Variants in MRPL48 observed in about 807,000 individuals in gnomAD.
MRPL48 encodes the protein mitochondrial ribosomal protein L48.
Under a neutral mutation model 32.9 loss-of-function variants are expected in MRPL48, and 16 were observed. The observed-to-expected ratio is 0.49, with a 90% CI of 0.33 to 0.74. The LOEUF is 0.74. Ranked by LOEUF, MRPL48 falls within the 30% of genes least tolerant of loss-of-function variation. MRPL48 has a pLI of 0.02. For missense variants in MRPL48, 206 were observed against 245.3 expected (o/e 0.84, Z 1.07); for synonymous variants, 94 against 89.2 (o/e 1.05, Z -0.31).
intron 5 of MRPL48, among the ~76,000 whole-genome samples, chr11:73,846,741 C>A (rs1456924449): frequency 6.6e-6 from 1 of 151,706 alleles, no homozygotes; most frequent in East Asian, 1.9e-4. Flanking sequence ...CTCTCTCTCC[C>A]ACCCAGGCTG....
At position 73,859,909 on chromosome 11, in the gene MRPL48, A is replaced by T; in HGVS notation, c.374A>T (p.Tyr125Phe). ...TAGCTGACTCTTCCTTCCCACAGTT[A>T]TGCAATGCCAACCAAAACCATAGAA... is the stretch of plus-strand genomic sequence containing the variant. ...NSLSIKVEESYAMPTKTIEVL... is the reference protein window; with the variant it reads ...NSLSIKVEESFAMPTKTIEVL... Residue 125 changes from tyrosine to phenylalanine, a missense_variant and splice_region_variant, in exon 6 of 8, where the codon TAT becomes TTT. Physicochemically the swap from Tyr to Phe is conservative, Grantham distance 22. Coordinates refer to ENST00000310614, the MANE Select transcript of MRPL48 (RefSeq NM_016055.6). 1 of 1,613,586 alleles carries T rather than the reference A, an allele frequency of 6.2e-7. No homozygotes were observed. The highest frequency in any genetic ancestry group is 1.1e-5 in the South Asian group (1 of 91,038).
intron 3 of MRPL48, 148 bp downstream of exon 3, chr11:73,808,498 C>A: frequency 1.3e-6 from 1 of 747,626 alleles, no homozygotes; most frequent in South Asian, 1.8e-5. Context: ...TGGAATAGAA[C>A]CATGGGTGAG....
intron 1 of MRPL48, among the ~76,000 whole-genome samples, chr11:73,796,608 A>G (rs980939102): frequency 6.6e-6 from 1 of 152,258 alleles, no homozygotes; most frequent in African/African-American, 2.4e-5. Context: ...AGAAGGGGGC[A>G]GGTTCCCATT....
Position 73,799,756 on chromosome 11 carries a change from G to A in MRPL48, c.22-5271G>A, listed in dbSNP as rs528803022. ...AGCAATGTATCCATTTAACAAAATG[G>A]CACTTGTACTCCCTAAATCTATATA... is the stretch of plus-strand genomic sequence containing the variant. On this transcript the variant is annotated intron_variant, in intron 1 of 7. Coordinates refer to ENST00000310614, the MANE Select transcript of MRPL48 (RefSeq NM_016055.6). Among the ~76,000 whole-genome samples, 10 of 152,192 alleles carry A rather than the reference G, an allele frequency of 6.6e-5. No homozygotes were observed. In the East Asian group the frequency reaches 1.7e-3, roughly 26 times the overall value.
At chr11:73,851,016 G>A (rs1413338990) in intron 5 of MRPL48, 3 of 461,472 alleles carry the variant, frequency 6.5e-6, no homozygotes, top group African/African-American at 6.1e-5. Flanking sequence ...CTACTGGCAA[G>A]AGCTGCCATC....
chr11:73,864,369 A>G lies in MRPL48; in HGVS notation c.638A>G (p.Ter213TrpextTer3), dbSNP rs779737423. 5 of 1,613,764 alleles carry G rather than the reference A, an allele frequency of 3.1e-6. No individual in the cohort carries two copies. In the Admixed American group the frequency reaches 5.0e-5, roughly 16 times the overall value. ...ELEELLAKLK* is the reference protein window; with the variant it reads ...ELEELLAKLKW Reference sequence around the variant, plus strand: ...GAAGAACTGTTGGCCAAGTTGAAGTAGCTACTGTAGACCCTTTCATGCCAG... The same window carrying G: ...GAAGAACTGTTGGCCAAGTTGAAGTGGCTACTGTAGACCCTTTCATGCCAG... The change falls in exon 8 of 8, where the codon TAG (stop) becomes TGG (tryptophan). Residue 213 changes from the stop codon to tryptophan, a stop_lost. Transcript: ENST00000310614.
chr11:73,823,662 T>TTG (rs1947826600), intron 3 of MRPL48, among the ~76,000 whole-genome samples: 2 of 149,476 alleles, frequency 1.3e-5, no homozygotes, highest in Admixed American at 1.3e-4. Context: ...CTGTTTTTTT[T>TTG]TTTTTTTTTT....
chr11:73,830,122 G>A (rs1947967491), intron 4 of MRPL48, among the ~76,000 whole-genome samples: 1 of 152,208 alleles, frequency 6.6e-6, no homozygotes, highest in Non-Finnish European at 1.5e-5. Flanking sequence ...AAGGGTAGAA[G>A]TCTCAGTTTT....
At chr11:73,831,822 C>T (rs1565100043) in intron 4 of MRPL48, among the ~76,000 whole-genome samples, 1 of 151,550 alleles carries the variant, frequency 6.6e-6, no homozygotes, top group Non-Finnish European at 1.5e-5. Flanking sequence ...TGCCTGTAAT[C>T]CCAGCTACTT....
intron 3 of MRPL48, among the ~76,000 whole-genome samples, chr11:73,815,377 G>T (rs184703109): frequency 2.6e-5 from 4 of 151,958 alleles, no homozygotes; most frequent in African/African-American, 9.7e-5. Flanking sequence ...CCACGCCATC[G>T]CACTCTAGCC....
intron 6 of MRPL48, among the ~76,000 whole-genome samples, chr11:73,860,908 A>G (rs1219989173): frequency 1.3e-5 from 2 of 152,096 alleles, no homozygotes; most frequent in Non-Finnish European, 2.9e-5. Context: ...CCACTAATCT[A>G]CTTTCTATCT....
In MRPL48 at chr11:73,845,572, A is replaced by G. The variant is rs575953116; in HGVS notation, c.371+596A>G. Among the ~76,000 whole-genome samples, 25 of 152,248 alleles carry G rather than the reference A, an allele frequency of 1.6e-4. No individual in the cohort carries two copies. In the South Asian group the frequency reaches 4.8e-3, roughly 29 times the overall value. On this transcript the variant is annotated intron_variant, in intron 5 of 7. Coordinates refer to ENST00000310614, the MANE Select transcript of MRPL48 (RefSeq NM_016055.6). Reference sequence around the variant, plus strand: ...AGGATCACTTGATCCCAGGAGTTTGAGACCTGCCTGGGCAACATAGCGAGA... The same window carrying G: ...AGGATCACTTGATCCCAGGAGTTTGGGACCTGCCTGGGCAACATAGCGAGA...
chr11:73,813,513 A>T (rs1947606266), intron 3 of MRPL48, among the ~76,000 whole-genome samples: 1 of 151,600 alleles, frequency 6.6e-6, no homozygotes, highest in Non-Finnish European at 1.5e-5. Context: ...TGGATTGTTT[A>T]CTTTTTCATT....
intron 5 of MRPL48, among the ~76,000 whole-genome samples, chr11:73,856,289 A>G (rs1421688936): frequency 6.8e-6 from 1 of 147,200 alleles, no homozygotes; most frequent in Non-Finnish European, 1.5e-5. Flanking sequence ...CCTTTCAGAG[A>G]TGAAATTATT....
chr11:73,851,032 C>G, intron 5 of MRPL48: 1 of 488,526 alleles, frequency 2.0e-6, no homozygotes, highest in Admixed American at 2.2e-5. Context: ...CCATCAAAGA[C>G]CCATAAATTT....
intron 3 of MRPL48, chr11:73,822,901 A>T (rs921822023): frequency 2.5e-6 from 1 of 401,808 alleles, no homozygotes; most frequent in Non-Finnish European, 5.0e-6. Context: ...TTAGATTCTC[A>T]TAGGAGCATG....
chr11:73,800,676 A>C (rs915978351), intron 1 of MRPL48, among the ~76,000 whole-genome samples: 1 of 152,124 alleles, frequency 6.6e-6, no homozygotes, highest in East Asian at 1.9e-4. Context: ...CAGTCCCAAA[A>C]TAGATTACTT....
chr11:73,801,846 G>C (rs534854946), intron 1 of MRPL48, among the ~76,000 whole-genome samples: 3 of 152,126 alleles, frequency 2.0e-5, no homozygotes. Flanking sequence ...AGTAGATGTC[G>C]GTGCTTAATA....
At chr11:73,790,062 ATTTTTTTTTTTTT>A (rs34534770) in intron 1 of MRPL48, among the ~76,000 whole-genome samples, 67 of 103,814 alleles carry the variant, frequency 6.5e-4, no homozygotes, top group African/African-American at 2.4e-3. Context: ...TGCTCAGCTA[ATTTTTTTTTTTTT>A]TTTTTTTTTT....
Sources: gnomAD v4.1 joint callset for allele counts (sites outside exome capture counted in the v4.1 genomes callset) on GRCh38, gnomAD v4.1.1 for gene constraint, MANE v1.5 for transcripts, NCBI Gene and HGNC (gene_info 2026-07-23, HGNC 2026-07-21) for gene names.